The following MAP3K14 variants were observed in gnomAD, a reference collection of about 807,000 sequenced individuals.
The protein encoded by MAP3K14 is mitogen-activated protein kinase kinase kinase 14.
A neutral mutation model predicts 99.2 loss-of-function variants in MAP3K14; 16 were observed. The observed-to-expected ratio is 0.16, with a 90% confidence interval of 0.11 to 0.24. The LOEUF is 0.24. MAP3K14 is among the 10% of genes least tolerant of loss of function. The pLI is 1.00. For missense variants in MAP3K14, 784 were observed against 1,208.7 expected (o/e 0.65, Z 5.21); for synonymous variants, 462 against 492.4 (o/e 0.94, Z 0.82).
chr17:45,299,251 GA>G lies in MAP3K14; in HGVS notation c.-20-8487del, dbSNP rs1399134659. On this transcript the variant is annotated intron_variant, in intron 1 of 15. Coordinates refer to ENST00000344686, the MANE Select transcript of MAP3K14 (RefSeq NM_003954.5). ...AAAGTTCCAGATGGCAGAAGCTGCA[GA>G]GTAGGGGCAGATGGCACTGGCCAGG... is the stretch of plus-strand genomic sequence containing the variant. 3.3e-5 allele frequency among the ~76,000 whole-genome samples: 5 copies of G among 152,178 alleles called. No homozygotes were observed. The East Asian group carries it at 9.6e-4, about 29-fold the overall frequency.
chr17:45,284,745 G>C (rs1437327362), intron 6 of MAP3K14, 67 bp downstream of exon 6: 2 of 1,507,178 alleles, frequency 1.3e-6, no homozygotes, highest in Non-Finnish European at 1.8e-6. Flanking sequence ...TGGACAGAAA[G>C]CAGAGGGAAC....
chr17:45,284,836 A>T lies in MAP3K14; in HGVS notation c.1266T>A (p.Thr422=). Residue 422 remains threonine (T), a synonymous_variant, in exon 6 of 16, where the codon ACT becomes ACA. Coordinates refer to ENST00000344686, the MANE Select transcript of MAP3K14 (RefSeq NM_003954.5). ...CCTTTTTGACAGCGCACTGGAAGCC[A>T]GTCTGCTTGTCCTCCATCCTGTGCA... is the stretch of plus-strand genomic sequence containing the variant. The part of the protein sequence containing the change: ...GEVHRMEDKQ[T]GFQCAVKKVR... 1 of 1,595,506 alleles carries T rather than the reference A, an allele frequency of 6.3e-7. No homozygotes were observed. Among genetic ancestry groups the T allele is most frequent in the Non-Finnish European group, 8.5e-7 (1 of 1,171,368 alleles).
At chr17:45,303,862 G>A (rs555535816) in intron 1 of MAP3K14, among the ~76,000 whole-genome samples, 9 of 151,766 alleles carry the variant, frequency 5.9e-5, no homozygotes, top group Admixed American at 5.9e-4. Context: ...GATTACAGGC[G>A]TGAGCCACCG....
chr17:45,309,348 C>G (rs1239844774), intron 1 of MAP3K14, among the ~76,000 whole-genome samples: 1 of 152,230 alleles, frequency 6.6e-6, no homozygotes, highest in Non-Finnish European at 1.5e-5. Context: ...GGCCACTGGG[C>G]TGCGCATGGT....
intron 1 of MAP3K14, among the ~76,000 whole-genome samples, chr17:45,314,685 T>C (rs1256079239): frequency 1.6e-4 from 25 of 152,006 alleles, no homozygotes; most frequent in Non-Finnish European, 3.7e-4. Flanking sequence ...TTTATGCGTA[T>C]TGGGCTGACT....
chr17:45,289,161 C>G (rs1429637678), intron 3 of MAP3K14, 75 bp downstream of exon 3: 1 of 1,383,330 alleles, frequency 7.2e-7, no homozygotes, highest in Admixed American at 1.8e-5. Context: ...GCAGGAGCGG[C>G]CCAGGCAAGT....
intron 14 of MAP3K14, among the ~76,000 whole-genome samples, chr17:45,265,997 G>T (rs930985190): frequency 6.6e-6 from 1 of 152,252 alleles, no homozygotes; most frequent in Admixed American, 6.5e-5. Flanking sequence ...CAGCCATGGG[G>T]CCCTGATGCC....
intron 1 of MAP3K14, among the ~76,000 whole-genome samples, chr17:45,313,929 G>A (rs933239917): frequency 1.3e-5 from 2 of 152,132 alleles, no homozygotes; most frequent in African/African-American, 4.8e-5. Context: ...TCACTTTTCT[G>A]ATCTTTGTCC....
intron 1 of MAP3K14, among the ~76,000 whole-genome samples, chr17:45,311,268 A>G (rs933947428): frequency 7.9e-5 from 12 of 152,212 alleles, no homozygotes; most frequent in Non-Finnish European, 1.8e-4. Flanking sequence ...TGCCAGCAGG[A>G]GGTGACTACT....
chr17:45,275,714 A>C (rs532351485), intron 6 of MAP3K14, among the ~76,000 whole-genome samples: 3 of 150,476 alleles, frequency 2.0e-5, no homozygotes, highest in Non-Finnish European at 4.4e-5. Flanking sequence ...ACTGTCAAGA[A>C]CCAAGATTTG....
chr17:45,275,495 CA>C (rs983626073), intron 6 of MAP3K14, among the ~76,000 whole-genome samples: 2 of 79,274 alleles, frequency 2.5e-5, no homozygotes, highest in African/African-American at 6.6e-5. Flanking sequence ...AAAAAAAAAA[CA>C]AAAAAAAACC....
chr17:45,313,120 G>T (rs913710662), intron 1 of MAP3K14, among the ~76,000 whole-genome samples: 3 of 152,126 alleles, frequency 2.0e-5, no homozygotes, highest in Non-Finnish European at 4.4e-5. Context: ...GGGAGAACCC[G>T]AGAGCTGAAG....
At chr17:45,266,410 T>A in intron 14 of MAP3K14, 127 bp downstream of exon 14, 2 of 1,278,280 alleles carry the variant, frequency 1.6e-6, no homozygotes, top group Non-Finnish European at 2.1e-6. Flanking sequence ...CCTCAAGTTC[T>A]GGGACCAGGC....
At chr17:45,276,469 A>T (rs2044180796) in intron 6 of MAP3K14, among the ~76,000 whole-genome samples, 1 of 151,822 alleles carries the variant, frequency 6.6e-6, no homozygotes, top group African/African-American at 2.4e-5. Flanking sequence ...TAGCTCCCCA[A>T]TTCCTCCAGC....
At chr17:45,292,721 C>A (rs2044319905) in intron 1 of MAP3K14, among the ~76,000 whole-genome samples, 1 of 152,200 alleles carries the variant, frequency 6.6e-6, no homozygotes, top group African/African-American at 2.4e-5. Context: ...CAGAGCCGAT[C>A]CCACTGTTCT....
chr17:45,311,505 C>T (rs1309299761), intron 1 of MAP3K14, among the ~76,000 whole-genome samples: 1 of 152,176 alleles, frequency 6.6e-6, no homozygotes, highest in Non-Finnish European at 1.5e-5. Context: ...TTAATGGACA[C>T]CTGATAGTGG....
At chr17:45,278,170 T>C (rs1016328219) in intron 6 of MAP3K14, among the ~76,000 whole-genome samples, 23 of 152,206 alleles carry the variant, frequency 1.5e-4, no homozygotes, top group African/African-American at 5.1e-4. Flanking sequence ...AACTTGGCTT[T>C]AACTTTGCAG....
In MAP3K14 at chr17:45,264,803, A is replaced by G. The variant is rs1306488834; in HGVS notation, c.2680-3T>C. ...AAGCTGAAGGCTGCAGCTGGGATCT[A>G]AGGGTGGAGCAAACCAGTGGGCTGA... is the stretch of plus-strand genomic sequence containing the variant. On this transcript the variant is annotated splice_polypyrimidine_tract_variant and splice_region_variant and intron_variant, in intron 15 of 15. Coordinates refer to ENST00000344686, the MANE Select transcript of MAP3K14 (RefSeq NM_003954.5). 5 of 1,612,770 alleles carry G rather than the reference A, an allele frequency of 3.1e-6. No homozygotes were observed. The South Asian group carries it at 4.4e-5, about 14-fold the overall frequency.
chr17:45,285,022 A>T, intron 5 of MAP3K14, 73 bp from the exon 6 acceptor site: 8 of 1,485,350 alleles, frequency 5.4e-6, no homozygotes, highest in Non-Finnish European at 7.3e-6. Flanking sequence ...ACAGTGAGGA[A>T]GACTCTCCAG....
Sources: gnomAD v4.1 joint callset for allele counts (sites outside exome capture counted in the v4.1 genomes callset) on GRCh38, gnomAD v4.1.1 for gene constraint, MANE v1.5 for transcripts, NCBI Gene and HGNC (gene_info 2026-07-23, HGNC 2026-07-21) for gene names.